PROZ: variants seen among roughly 807,000 people sequenced by gnomAD.
The protein encoded by PROZ is protein Z, vitamin K dependent plasma glycoprotein, also known as vitamin K-dependent protein Z.
In PROZ, 46 loss-of-function variants were observed where a neutral mutation model predicts 34.9. The observed-to-expected ratio is 1.32, with a 90% CI of 1.04 to 1.69. The LOEUF is 1.69. Among genes scored for constraint, PROZ ranks in the 40% most tolerant of loss-of-function variants. PROZ has a pLI of 0.00. For missense variants in PROZ, 530 were observed against 520.4 expected, an observed-to-expected ratio of 1.02 and a Z score of -0.18; for synonymous variants, 195 against 208.5, an observed-to-expected ratio of 0.94 and a Z score of 0.56.
chr13:113,170,320 G>A, intron 6 of PROZ, 93 bp from the exon 7 acceptor site: 1 of 780,530 alleles, frequency 1.3e-6, no homozygotes, highest in Non-Finnish European at 2.3e-6. Context: ...GGTGGGGGTG[G>A]GGGGGTGGTC....
chr13:113,172,210 G>A lies in PROZ; in HGVS notation c.*105G>A, dbSNP rs1004576967. ...AAACTTCATCACACACTGAGAGGCC[G>A]TCACAGCCCCAGACCACCCGCTTGG... On this transcript the variant is annotated 3_prime_UTR_variant, in exon 8 of 8. Transcript: ENST00000375547. The A allele has an allele frequency of 9.4e-6, 14 of 1,482,166 alleles. No individual in the cohort carries two copies. The highest frequency in any genetic ancestry group is 1.3e-5 in the Non-Finnish European group (14 of 1,092,260). The allele number at this position is 1,482,166 out of a possible 1,614,324, so 91.8% of individuals were successfully genotyped here. A position where few individuals can be genotyped will look rare whatever the true frequency, so the allele number is the denominator to read the frequency against.
rs201823929 is a variant in PROZ at position 113,160,023 on chromosome 13, C to A, written c.80C>A (p.Pro27Gln). ...LHRVEPSVFL[P>Q]ASKANDVLVR... ...CTTGTCTCGTCTGTAGTATTTCTCC[C>A]GGCCTCCAAAGCAAACGACGTTCTG... The change falls in exon 2 of 8, where the codon CCG (proline) becomes CAG (glutamine). Residue 27 changes from proline to glutamine, a missense_variant. Pro to Gln is a moderately conservative substitution (Grantham distance 76, BLOSUM62 -1). Transcript: ENST00000375547. 2 of 1,614,068 alleles carry A rather than the reference C, an allele frequency of 1.2e-6. No individual in the cohort carries two copies. Among genetic ancestry groups the A allele is most frequent in the South Asian group, 2.2e-5 (2 of 91,076 alleles).
chr13:113,163,966 C>CTTTTT (rs34345554), intron 4 of PROZ, among the ~76,000 whole-genome samples: 1 of 145,494 alleles, frequency 6.9e-6, no homozygotes, highest in Non-Finnish European at 1.5e-5. Flanking sequence ...CTCATGGAGT[C>CTTTTT]TTTTTTTTTT....
At chr13:113,170,299 CG>C (rs1346424707) in intron 6 of PROZ, 113 bp from the exon 7 acceptor site, 10 of 508,766 alleles carry the variant, frequency 2.0e-5, no homozygotes, top group Non-Finnish European at 3.4e-5. Context: ...CTGCCTTTGG[CG>C]GGGGGTGGGG....
At chr13:113,164,690 C>T in intron 5 of PROZ, 46 bp downstream of exon 5, 1 of 1,610,122 alleles carries the variant, frequency 6.2e-7, no homozygotes, top group Non-Finnish European at 8.5e-7. Flanking sequence ...ATGCCAGCGA[C>T]CCCGTCCACA....
intron 4 of PROZ, among the ~76,000 whole-genome samples, chr13:113,164,072 TG>T (rs1328029805): frequency 2.6e-5 from 4 of 151,700 alleles, no homozygotes; most frequent in Non-Finnish European, 5.9e-5. Flanking sequence ...TTTTGCCTCC[TG>T]GGTTCAAGTG....
In PROZ at chr13:113,158,787, C is replaced by A. The variant is rs1282608118; in HGVS notation, c.70+57C>A. On this transcript the variant is annotated intron_variant, in intron 1 of 7. Coordinates refer to ENST00000375547, the MANE Select transcript of PROZ (RefSeq NM_003891.3). The surrounding 1 kb of genome is among the most constrained non-coding windows in gnomAD (Gnocchi z 4.3). ...TGTGCTGTGTCTTTCTTGACTCGGT[C>A]CATGGTGGATTTGTAGATGAGGCTT... is the stretch of plus-strand genomic sequence containing the variant. 2 of 1,507,320 alleles carry A rather than the reference C, an allele frequency of 1.3e-6. No individual in the cohort carries two copies. The highest frequency in any genetic ancestry group is 2.8e-5 in the African/African-American group (2 of 72,434). The allele number at this position is 1,507,320 out of a possible 1,614,324, so 93.4% of individuals were successfully genotyped here. A position where few individuals can be genotyped will look rare whatever the true frequency, so the allele number is the denominator to read the frequency against.
At chr13:113,165,274 A>G (rs1393881613) in intron 6 of PROZ, 154 bp downstream of exon 6, 1 of 748,970 alleles carries the variant, frequency 1.3e-6, no homozygotes, top group Non-Finnish European at 2.3e-6. Context: ...CACACTTCCA[A>G]CCATGTTCTA....
In PROZ at chr13:113,171,786, G is replaced by T; in HGVS notation, c.884G>T (p.Arg295Leu). The T allele has an allele frequency of 6.2e-7, 1 of 1,612,786 alleles. No homozygotes were observed. Among genetic ancestry groups the T allele is most frequent in the East Asian group, 2.2e-5 (1 of 44,866 alleles). ...KDFAEHLLIP[R>L]TRGLLSGWAR... ...TTCGCTGAGCACCTCCTCATCCCACGCACCAGGGGCCTCCTCAGCGGCTGG... is the reference window on the plus strand; with the variant it reads ...TTCGCTGAGCACCTCCTCATCCCACTCACCAGGGGCCTCCTCAGCGGCTGG... Residue 295 changes from arginine to leucine, a missense_variant, in exon 8 of 8, where the codon CGC becomes CTC. Physicochemically the swap from Arg to Leu is moderately radical, Grantham distance 102 (BLOSUM62 -2). Coordinates refer to ENST00000375547, the MANE Select transcript of PROZ (RefSeq NM_003891.3). The surrounding 1 kb of genome is among the most constrained non-coding windows in gnomAD (Gnocchi z 5.1).
At chr13:113,170,386 A>G (rs552442134) in intron 6 of PROZ, 27 bp from the exon 7 acceptor site, 14 of 1,374,204 alleles carry the variant, frequency 1.0e-5, no homozygotes, top group African/African-American at 7.1e-5. Context: ...GTCACCAGCT[A>G]TTTATTGTCT....
chr13:113,160,334 A>G (rs781515222), intron 2 of PROZ, among the ~76,000 whole-genome samples, 157 bp downstream of exon 2: 1 of 152,056 alleles, frequency 6.6e-6, no homozygotes, highest in Non-Finnish European at 1.5e-5. Context: ...GAAACAATTT[A>G]GAGAATCGAC....
chr13:113,163,223 T>C (rs2480948), intron 4 of PROZ, 101 bp downstream of exon 4: 217,690 of 1,010,414 alleles, frequency 0.22, 26,085 homozygotes, highest in South Asian at 0.41. Context: ...GGTGTAGCCA[T>C]GAAGGTGCCT....
chr13:113,162,966 C>T (rs1423526040), intron 3 of PROZ, 43 bp from the exon 4 acceptor site: 4 of 1,345,384 alleles, frequency 3.0e-6, no homozygotes, highest in East Asian at 2.5e-5. Context: ...CTCAGGTCCC[C>T]GTTCCTGTCA....
In PROZ at chr13:113,159,976, G is replaced by A. The variant is rs747400957; in HGVS notation, c.71-38G>A. On this transcript the variant is annotated intron_variant, in intron 1 of 7. Coordinates refer to ENST00000375547, the MANE Select transcript of PROZ (RefSeq NM_003891.3). The surrounding 1 kb of genome is among the most constrained non-coding windows in gnomAD (Gnocchi z 4.6). ...GGCAGCTCTGGAAAGCAGGGCCCTC[G>A]GTGCTCCCAGTCACCTGCCTTCTTG... is the stretch of plus-strand genomic sequence containing the variant. 27 of 1,611,872 alleles carry A rather than the reference G, an allele frequency of 1.7e-5. No individual in the cohort carries two copies. The highest frequency in any genetic ancestry group is 3.3e-5 in the Admixed American group (2 of 60,002).
intron 6 of PROZ, among the ~76,000 whole-genome samples, chr13:113,170,022 G>A (rs969264058): frequency 3.3e-5 from 5 of 152,158 alleles, no homozygotes; most frequent in Non-Finnish European, 5.9e-5. Context: ...GAGATGCCCC[G>A]TCCTGCTCTG....
intron 7 of PROZ, among the ~76,000 whole-genome samples, chr13:113,170,842 G>C (rs1156558800): frequency 5.9e-5 from 9 of 152,042 alleles, no homozygotes; most frequent in East Asian, 3.9e-4. Context: ...CTAAAAATCG[G>C]AAGAATGGGG....
chr13:113,163,386 A>C (rs3024726), intron 4 of PROZ, among the ~76,000 whole-genome samples: 145,103 of 151,882 alleles, frequency 0.96, 69,617 homozygotes, highest in South Asian at 1. Flanking sequence ...TCCTCCCCCC[A>C]CCACCTCAAC....
Position 113,159,412 on chromosome 13 carries a change from C to G in PROZ, c.71-602C>G, listed in dbSNP as rs2036722126. 3 of 811,444 alleles carry G rather than the reference C, an allele frequency of 3.7e-6. No individual in the cohort carries two copies. The highest frequency in any genetic ancestry group is 5.8e-6 in the Non-Finnish European group (3 of 515,312). 50.3% of individuals were successfully genotyped at this position (811,444 alleles called of 1,614,324 possible). On this transcript the variant is annotated intron_variant, in intron 1 of 7. Transcript: ENST00000375547. This position sits in a 1 kb window ranked among gnomAD's most constrained non-coding sequence, Gnocchi z 4.6. ...GCTGAGCCCCCCCTGCTGTAACCCT[C>G]AGCACCGAGAGAAAAGGAGGGAGGA...
chr13:113,166,599 G>A (rs891850196), intron 6 of PROZ, among the ~76,000 whole-genome samples: 5 of 152,218 alleles, frequency 3.3e-5, no homozygotes, highest in African/African-American at 7.2e-5. Context: ...GGAAGAAACC[G>A]AAGGGAGGCA....
Sources: allele counts gnomAD v4.1 joint callset (sites outside exome capture counted in the v4.1 genomes callset), GRCh38; gene constraint gnomAD v4.1.1; non-coding constraint Gnocchi (gnomAD v3.1); transcripts MANE v1.5; gene names NCBI Gene and HGNC (gene_info 2026-07-23, HGNC 2026-07-21).